Variants in TRIM62 observed in about 807,000 individuals in gnomAD.
TRIM62 encodes the protein E3 ubiquitin-protein ligase TRIM62.
Under a neutral mutation model 44.2 loss-of-function variants are expected in TRIM62, and 39 were observed. The observed-to-expected ratio is 0.88, with a 90% CI of 0.68 to 1.15. The LOEUF (loss-of-function observed/expected upper bound fraction) is 1.15. Ranked by LOEUF, TRIM62 falls within the 50% of genes most tolerant of loss-of-function variation. TRIM62 has a pLI of 0.00. For missense variants in TRIM62, 544 were observed against 665.5 expected, an observed-to-expected ratio of 0.82 and a Z score of 2.01; for synonymous variants, 278 against 292.3, an observed-to-expected ratio of 0.95 and a Z score of 0.50.
chr1:33,169,098 G>A (rs1283960453), intron 1 of TRIM62, among the ~76,000 whole-genome samples: 3 of 152,198 alleles, frequency 2.0e-5, no homozygotes, highest in South Asian at 2.1e-4. Context: ...CTGTGTCAAG[G>A]ATGGGGAGAG....
chr1:33,181,744 G>C lies in TRIM62; in HGVS notation c.-312C>G. On this transcript the variant is annotated 5_prime_UTR_variant, in exon 1 of 5. Transcript: ENST00000291416. The surrounding 1 kb of genome is among the most constrained non-coding windows in gnomAD (Gnocchi z 6.5). ...AGATCCTGACGGGGAGGTTCTAGGG[G>C]GCGGGGCAGTCCTAAGGGATAGGAG... 2.5e-6 allele frequency: 1 copy of C among 407,488 alleles called. No individual in the cohort carries two copies. Among genetic ancestry groups the C allele is most frequent in the Non-Finnish European group, 4.4e-6 (1 of 225,730 alleles). The allele number at this position is 407,488 out of a possible 1,614,324, so 25.2% of individuals were successfully genotyped here.
intron 1 of TRIM62, among the ~76,000 whole-genome samples, chr1:33,169,760 C>T (rs1048576466): frequency 8.5e-5 from 13 of 152,194 alleles, no homozygotes; most frequent in Non-Finnish European, 1.8e-4. Flanking sequence ...TTGCACTGGC[C>T]ACATTTCAAG....
In TRIM62 at chr1:33,145,487, C is replaced by T; in HGVS notation, c.*1690G>A. On this transcript the variant is annotated 3_prime_UTR_variant, in exon 5 of 5. Coordinates refer to ENST00000291416, the MANE Select transcript of TRIM62 (RefSeq NM_018207.3). ...TAAATAAAAATACTGCTGGGGTGGC[C>T]CAGATTCTGGTAGTTGAAGGGTTGG... 6.2e-6 allele frequency: 1 copy of T among 160,992 alleles called. No homozygotes were observed. The highest frequency in any genetic ancestry group is 6.0e-5 in the Admixed American group (1 of 16,618). 10.0% of individuals were successfully genotyped at this position (160,992 alleles called of 1,614,324 possible).
At chr1:33,172,027 C>T (rs903470018) in intron 1 of TRIM62, among the ~76,000 whole-genome samples, 1 of 152,154 alleles carries the variant, frequency 6.6e-6, no homozygotes, top group South Asian at 2.1e-4. Context: ...AGTGATCTGC[C>T]TACCTTGGCC....
In TRIM62 at chr1:33,146,956, G is replaced by A. The variant is rs919292083; in HGVS notation, c.*221C>T. The A allele has an allele frequency of 5.1e-6, 3 of 590,420 alleles. No individual in the cohort carries two copies. The highest frequency in any genetic ancestry group is 5.7e-5 in the East Asian group (2 of 34,844). The allele number at this position is 590,420 out of a possible 1,614,324, so 36.6% of individuals were successfully genotyped here. A position where few individuals can be genotyped will look rare whatever the true frequency, so the allele number is the denominator to read the frequency against. On this transcript the variant is annotated 3_prime_UTR_variant, in exon 5 of 5. Coordinates refer to ENST00000291416, the MANE Select transcript of TRIM62 (RefSeq NM_018207.3). ...CATGTCACATCCTTGGATCAAAGCTGTATCCCTATCAAGGTCAGAGCTACA... is the reference window on the plus strand; with the variant it reads ...CATGTCACATCCTTGGATCAAAGCTATATCCCTATCAAGGTCAGAGCTACA...
chr1:33,160,320 G>A (rs1645247196), intron 2 of TRIM62, among the ~76,000 whole-genome samples: 1 of 152,134 alleles, frequency 6.6e-6, no homozygotes, highest in Admixed American at 6.5e-5. Context: ...GGGTAGGAGG[G>A]ATGAGGGAGC....
In TRIM62 at chr1:33,165,542, C is replaced by A; in HGVS notation, c.433G>T (p.Ala145Ser). Residue 145 changes from alanine (A) to serine (S), a missense_variant, in exon 2 of 5, where the codon GCC (alanine) becomes TCC (serine). Transcript: ENST00000291416. This position sits in a 1 kb window ranked among gnomAD's most constrained non-coding sequence, Gnocchi z 4.0. ...LQRELKDQLQ[A>S]LQDSEREHTE... Reference sequence around the variant, plus strand: ...TGTTCCCGCTCGCTGTCTTGAAGGGCCTGAAGTTGGTCCTTCAGCTCCCTC... The same window carrying A: ...TGTTCCCGCTCGCTGTCTTGAAGGGACTGAAGTTGGTCCTTCAGCTCCCTC... The A allele has an allele frequency of 6.2e-7, 1 of 1,610,392 alleles. No homozygotes were observed. The highest frequency in any genetic ancestry group is 8.5e-7 in the Non-Finnish European group (1 of 1,178,312).
At chr1:33,179,197 A>G (rs652332) in intron 1 of TRIM62, among the ~76,000 whole-genome samples, 150,057 of 152,324 alleles carry the variant, frequency 0.99, 73,956 homozygotes, top group Middle Eastern at 1. Flanking sequence ...GCAGCGCCTA[A>G]AACGATGGCT....
Position 33,159,495 on chromosome 1 carries a change from C to G in TRIM62, c.761+193G>C, listed in dbSNP as rs567072256. 1.3e-3 allele frequency among the ~76,000 whole-genome samples: 195 copies of G among 152,310 alleles called. No homozygotes were observed. Among genetic ancestry groups the G allele is most frequent in the Non-Finnish European group, 2.4e-3 (161 of 68,030 alleles). Reference sequence around the variant, plus strand: ...GTTCCTCACCATTGCTGCTGCTCCTCTAGTTCAAGCCTCACTGGCTTCATA... The same window carrying G: ...GTTCCTCACCATTGCTGCTGCTCCTGTAGTTCAAGCCTCACTGGCTTCATA... On this transcript the variant is annotated intron_variant, in intron 3 of 4. Coordinates refer to ENST00000291416, the MANE Select transcript of TRIM62 (RefSeq NM_018207.3). The surrounding 1 kb of genome is among the most constrained non-coding windows in gnomAD (Gnocchi z 4.2).
chr1:33,158,438 G>A, intron 3 of TRIM62, 70 bp from the exon 4 acceptor site: 7 of 1,270,908 alleles, frequency 5.5e-6, no homozygotes, highest in Non-Finnish European at 8.0e-6. Context: ...GGGCCCCGCA[G>A]CCACCTTCAG....
At chr1:33,150,520 C>G (rs1469944444) in intron 4 of TRIM62, among the ~76,000 whole-genome samples, 1 of 152,186 alleles carries the variant, frequency 6.6e-6, no homozygotes, top group Non-Finnish European at 1.5e-5. Flanking sequence ...ACTTAGAGGG[C>G]TGTATGGAAG....
In TRIM62 at chr1:33,181,705, C is replaced by A; in HGVS notation, c.-273G>T. On this transcript the variant is annotated 5_prime_UTR_variant, in exon 1 of 5. Coordinates refer to ENST00000291416, the MANE Select transcript of TRIM62 (RefSeq NM_018207.3). This position sits in a 1 kb window ranked among gnomAD's most constrained non-coding sequence, Gnocchi z 6.5. ...ATGGGCGCTGGGAGGAGGCTGTGAG[C>A]GGCTGAGGGACGGAGATCCTGACGG... 1 of 480,034 alleles carries A rather than the reference C, an allele frequency of 2.1e-6. No homozygotes were observed. The highest frequency in any genetic ancestry group is 3.6e-6 in the Non-Finnish European group (1 of 275,032). The allele number at this position is 480,034 out of a possible 1,614,324, so 29.7% of individuals were successfully genotyped here. A position where few individuals can be genotyped will look rare whatever the true frequency, so the allele number is the denominator to read the frequency against.
rs545728873 is a variant in TRIM62 at position 33,165,190 on chromosome 1, A to G, written c.504+281T>C. 2.0e-4 allele frequency: 65 copies of G among 331,518 alleles called. No homozygotes were observed. The highest frequency in any genetic ancestry group is 1.1e-3 in the African/African-American group (53 of 46,654). The allele number at this position is 331,518 out of a possible 1,614,324, so 20.5% of individuals were successfully genotyped here. A position where few individuals can be genotyped will look rare whatever the true frequency, so the allele number is the denominator to read the frequency against. On this transcript the variant is annotated intron_variant, in intron 2 of 4. Coordinates refer to ENST00000291416, the MANE Select transcript of TRIM62 (RefSeq NM_018207.3). The surrounding 1 kb of genome is among the most constrained non-coding windows in gnomAD (Gnocchi z 4.0). ...CCGGAGGGTCCCGGGACCCGCCTCA[A>G]CTTCCACCCAAAGTGGGAAGGGAGA...
At chr1:33,149,442 C>G (rs1407438458) in intron 4 of TRIM62, among the ~76,000 whole-genome samples, 1 of 149,516 alleles carries the variant, frequency 6.7e-6, no homozygotes, top group Non-Finnish European at 1.5e-5. Context: ...GCATGAGCCA[C>G]TGTGCTGGAT....
At position 33,180,992 on chromosome 1, in the gene TRIM62, C is replaced by T. The variant is rs147456545; in HGVS notation, c.408+33G>A. 5.0e-3 allele frequency: 7,300 copies of T among 1,452,732 alleles called. 30 individuals are homozygous for T. The highest frequency in any genetic ancestry group is 6.2e-3 in the Non-Finnish European group (6,708 of 1,081,798). The allele number at this position is 1,452,732 out of a possible 1,614,324, so 90.0% of individuals were successfully genotyped here. On this transcript the variant is annotated intron_variant, in intron 1 of 4. Coordinates refer to ENST00000291416, the MANE Select transcript of TRIM62 (RefSeq NM_018207.3). ...GCCCGGCCCCACCTCCAGCCCGGCC[C>T]CGCCCCTTCCCCAGGCAGGCCGGGT...
At chr1:33,154,336 C>T (rs959809976) in intron 4 of TRIM62, among the ~76,000 whole-genome samples, 10 of 152,180 alleles carry the variant, frequency 6.6e-5, no homozygotes, top group Middle Eastern at 3.2e-3. Flanking sequence ...CTAGCCTCAG[C>T]TGCCACCTGC....
intron 1 of TRIM62, among the ~76,000 whole-genome samples, chr1:33,172,548 CG>C (rs1356790688): frequency 1.3e-5 from 2 of 151,562 alleles, no homozygotes; most frequent in Non-Finnish European, 2.9e-5. Context: ...CCCATCGGAG[CG>C]GGGGTGGGCC....
In TRIM62 at chr1:33,181,074, T is replaced by C; in HGVS notation, c.359A>G (p.His120Arg). Residue 120 changes from histidine to arginine, a missense_variant, in exon 1 of 5, where the codon CAC (histidine) becomes CGC (arginine). Physicochemically the swap from His to Arg is conservative, Grantham distance 29. Coordinates refer to ENST00000291416, the MANE Select transcript of TRIM62 (RefSeq NM_018207.3). This position sits in a 1 kb window ranked among gnomAD's most constrained non-coding sequence, Gnocchi z 6.5. ...GATGCCGGTGACCTGATGCTGCTCG[T>C]GCAGTGCAGGCTCGTCGCAGAAGAA... The part of the protein sequence containing the change: ...LCFFCDEPAL[H>R]EQHQVTGIDD... 6.3e-7 allele frequency: 1 copy of C among 1,598,372 alleles called. No homozygotes were observed. Among genetic ancestry groups the C allele is most frequent in the South Asian group, 1.1e-5 (1 of 90,834 alleles).
chr1:33,156,711 T>C (rs1645183588), intron 4 of TRIM62, among the ~76,000 whole-genome samples: 1 of 152,204 alleles, frequency 6.6e-6, no homozygotes, highest in South Asian at 2.1e-4. Flanking sequence ...ACCTTCCTTT[T>C]GTATTGCTGG....
Sources: allele counts gnomAD v4.1 joint callset (sites outside exome capture counted in the v4.1 genomes callset), GRCh38; gene constraint gnomAD v4.1.1; non-coding constraint Gnocchi (gnomAD v3.1); transcripts MANE v1.5; gene names NCBI Gene and HGNC (gene_info 2026-07-23, HGNC 2026-07-21).